TGFBR2: variants seen among roughly 807,000 people sequenced by gnomAD.
TGFBR2 encodes transforming growth factor beta receptor 2, also known as TGF-beta receptor type-2.
Under a neutral mutation model 49.0 loss-of-function variants are expected in TGFBR2, and 18 were observed. The observed-to-expected ratio is 0.37, with a 90% CI of 0.25 to 0.54. The LOEUF is 0.54. Ranked by LOEUF, TGFBR2 falls within the 20% of genes least tolerant of loss-of-function variation. TGFBR2 has a pLI of 0.85. For missense variants in TGFBR2, 525 were observed against 722.6 expected, an observed-to-expected ratio of 0.73 and a Z score of 3.13; for synonymous variants, 282 against 275.9, an observed-to-expected ratio of 1.02 and a Z score of -0.22.
At chr3:30,636,896 C>T (rs1013739780) in intron 1 of TGFBR2, among the ~76,000 whole-genome samples, 1 of 151,922 alleles carries the variant, frequency 6.6e-6, no homozygotes, top group Non-Finnish European at 1.5e-5. Context: ...AACCCCGTCT[C>T]TACTAAAAAT....
In TGFBR2 at chr3:30,663,988, A is replaced by C. The variant is rs1296765041; in HGVS notation, c.455-7650A>C. The stretch of plus-strand genomic sequence containing the variant: ...GAGGGCTAACTTTTTTGGGGGGGGG[A>C]GTTGGGGGGGCAGGGGGAGATGTTC... On this transcript the variant is annotated intron_variant, in intron 3 of 6. Coordinates refer to ENST00000295754, the MANE Select transcript of TGFBR2 (RefSeq NM_003242.6). Among the ~76,000 whole-genome samples, 80 of 35,966 alleles carry C rather than the reference A, an allele frequency of 2.2e-3. 2 individuals are homozygous for C. The East Asian group carries it at 0.066, about 30-fold the overall frequency. 23.6% of individuals were successfully genotyped at this position (35,966 alleles called of 152,430 possible).
chr3:30,689,579 T>C (rs752055806), intron 6 of TGFBR2, among the ~76,000 whole-genome samples: 2 of 152,204 alleles, frequency 1.3e-5, no homozygotes, highest in Non-Finnish European at 2.9e-5. Flanking sequence ...CCAGAGCCAC[T>C]TCAGCAGACA....
intron 1 of TGFBR2, among the ~76,000 whole-genome samples, chr3:30,617,050 G>A (rs1309813309): frequency 6.6e-6 from 1 of 150,562 alleles, no homozygotes; most frequent in African/African-American, 2.4e-5. Flanking sequence ...CCTAGGAGAT[G>A]TAAAGCCTAA....
chr3:30,652,739 C>T (rs996494466), intron 3 of TGFBR2, among the ~76,000 whole-genome samples: 4 of 152,172 alleles, frequency 2.6e-5, no homozygotes, highest in African/African-American at 9.7e-5. Flanking sequence ...AAACTTTTCT[C>T]TCCTTCTGTA....
At chr3:30,667,423 C>T (rs1359293410) in intron 3 of TGFBR2, among the ~76,000 whole-genome samples, 6 of 152,162 alleles carry the variant, frequency 3.9e-5, no homozygotes, top group Admixed American at 2.0e-4. Context: ...TTCCTTCCAG[C>T]CCTGGTTGCT....
At chr3:30,645,491 C>CTTTCTTT in intron 2 of TGFBR2, among the ~76,000 whole-genome samples, 1 of 136,356 alleles carries the variant, frequency 7.3e-6, no homozygotes, top group South Asian at 2.3e-4. Context: ...CTACATATTT[C>CTTTCTTT]TTTTTTTTTT....
At chr3:30,684,313 G>C (rs1281820598) in intron 5 of TGFBR2, among the ~76,000 whole-genome samples, 1 of 151,832 alleles carries the variant, frequency 6.6e-6, no homozygotes, top group Admixed American at 6.6e-5. Context: ...TGAGAGAGAA[G>C]GGTAAAGAAA....
At position 30,687,312 on chromosome 3, in the gene TGFBR2, A is replaced by G. The variant is rs140348875; in HGVS notation, c.1397-1072A>G. 8.3e-4 allele frequency among the ~76,000 whole-genome samples: 126 copies of G among 152,344 alleles called. 2 individuals carry two copies. Among genetic ancestry groups the G allele is most frequent in the African/African-American group, 2.9e-3 (120 of 41,584 alleles). ...AATCTGTCCCCTCTGTCTTCCCACT[A>G]AAACAGCATTTCTCAACCTTTTTTA... On this transcript the variant is annotated intron_variant, in intron 5 of 6. Coordinates refer to ENST00000295754, the MANE Select transcript of TGFBR2 (RefSeq NM_003242.6).
At chr3:30,649,432 T>C (rs945282314) in intron 2 of TGFBR2, among the ~76,000 whole-genome samples, 1 of 152,218 alleles carries the variant, frequency 6.6e-6, no homozygotes, top group African/African-American at 2.4e-5. Flanking sequence ...GAGCATTTCC[T>C]AGGGCCCAAG....
chr3:30,689,704 G>A (rs988760893), intron 6 of TGFBR2, among the ~76,000 whole-genome samples: 1 of 152,162 alleles, frequency 6.6e-6, no homozygotes, highest in Non-Finnish European at 1.5e-5. Context: ...AGAATATTTT[G>A]CATAAATTCT....
At chr3:30,622,978 T>C (rs1037971320) in intron 1 of TGFBR2, among the ~76,000 whole-genome samples, 1 of 151,356 alleles carries the variant, frequency 6.6e-6, no homozygotes, top group Admixed American at 6.6e-5. Context: ...ATTTGAATAA[T>C]TTCAGTATGA....
At chr3:30,683,944 C>T (rs1018731012) in intron 5 of TGFBR2, among the ~76,000 whole-genome samples, 11 of 152,306 alleles carry the variant, frequency 7.2e-5, no homozygotes, top group Admixed American at 3.3e-4. Context: ...AACCTCCTCT[C>T]GCAGGGTTCA....
intron 6 of TGFBR2, among the ~76,000 whole-genome samples, chr3:30,691,181 C>T (rs1317549567): frequency 6.6e-6 from 1 of 152,158 alleles, no homozygotes; most frequent in Non-Finnish European, 1.5e-5. Context: ...TCAGATAGCA[C>T]CAGAGCCAAA....
rs779815443 is a variant in TGFBR2 at position 30,650,477 on chromosome 3, T to C, written c.454+17T>C. 34 of 1,613,620 alleles carry C rather than the reference T, an allele frequency of 2.1e-5. No individual in the cohort carries two copies. Among genetic ancestry groups the C allele is most frequent in the Non-Finnish European group, 2.9e-5 (34 of 1,179,714 alleles). ...TCTCAGAAGGTGAGTTTTCTTCTCT[T>C]AAGGGTGTGGGACCTGAGATCTGTG... On this transcript the variant is annotated intron_variant, in intron 3 of 6. Transcript: ENST00000295754.
chr3:30,660,939 A>C (rs920705312), intron 3 of TGFBR2, among the ~76,000 whole-genome samples: 1 of 152,238 alleles, frequency 6.6e-6, no homozygotes, highest in Non-Finnish European at 1.5e-5. Flanking sequence ...AAGGAATTGC[A>C]GAAGCCTGTG....
At chr3:30,640,100 A>G (rs1017493066) in intron 1 of TGFBR2, among the ~76,000 whole-genome samples, 2 of 152,182 alleles carry the variant, frequency 1.3e-5, no homozygotes, top group Non-Finnish European at 2.9e-5. Flanking sequence ...GAGTGTGGGG[A>G]AAATGTGAGA....
Position 30,672,440 on chromosome 3 carries a change from A to C in TGFBR2, c.1254+3A>C. On this transcript the variant is annotated splice_donor_region_variant and intron_variant, in intron 4 of 6. Coordinates refer to ENST00000295754, the MANE Select transcript of TGFBR2 (RefSeq NM_003242.6). This position sits in a 1 kb window ranked among gnomAD's most constrained non-coding sequence, Gnocchi z 4.5. The stretch of plus-strand genomic sequence containing the variant: ...ATGACCTGGCTAACAGTGGGCAGGT[A>C]AGTTAGAGCTAGTGCTAGATCCCCT... 6.2e-7 allele frequency: 1 copy of C among 1,614,136 alleles called. No individual in the cohort carries two copies. The highest frequency in any genetic ancestry group is 1.1e-5 in the South Asian group (1 of 91,082).
Position 30,667,589 on chromosome 3 carries a change from G to A in TGFBR2, c.455-4049G>A, listed in dbSNP as rs887659141. 5.9e-4 allele frequency among the ~76,000 whole-genome samples: 90 copies of A among 152,210 alleles called. 1 individual carries two copies. Among genetic ancestry groups the A allele is most frequent in the African/African-American group, 2.1e-3 (88 of 41,524 alleles). On this transcript the variant is annotated intron_variant, in intron 3 of 6. Coordinates refer to ENST00000295754, the MANE Select transcript of TGFBR2 (RefSeq NM_003242.6). ...ACTTTGGTTTCTGACATTGAACTGGGGATTTCTAGAATCTTCTTCAGTCAG... is the reference window on the plus strand; with the variant it reads ...ACTTTGGTTTCTGACATTGAACTGGAGATTTCTAGAATCTTCTTCAGTCAG...
intron 2 of TGFBR2, among the ~76,000 whole-genome samples, chr3:30,648,461 C>CACAA (rs760495841): frequency 1.3e-5 from 1 of 79,202 alleles, no homozygotes; most frequent in Non-Finnish European, 2.8e-5. Flanking sequence ...CACACACACA[C>CACAA]AAAACTGTGG....
Sources: gnomAD v4.1 joint callset for allele counts (sites outside exome capture counted in the v4.1 genomes callset) on GRCh38, gnomAD v4.1.1 for gene constraint, Gnocchi (gnomAD v3.1) non-coding constraint, MANE v1.5 for transcripts, NCBI Gene and HGNC (gene_info 2026-07-23, HGNC 2026-07-21) for gene names.